Variants in QTMAN observed in about 807,000 individuals in gnomAD.
QTMAN encodes queuosine-tRNA mannosyltransferase.
At chr2:144,108,429 G>A in the QTMAN span, among the ~76,000 whole-genome samples, 1 of 152,130 alleles carries the variant, frequency 6.6e-6, no homozygotes, top group South Asian at 2.1e-4. Flanking sequence ...CCCGAGGTCA[G>A]GAAATGGAGA....
chr2:144,271,784 G>A, the QTMAN span, among the ~76,000 whole-genome samples: 2 of 152,120 alleles, frequency 1.3e-5, no homozygotes, highest in Non-Finnish European at 2.9e-5. Flanking sequence ...AGCAAGTCAG[G>A]TAATATCTAT....
chr2:144,270,745 C>G, the QTMAN span, among the ~76,000 whole-genome samples: 1 of 152,086 alleles, frequency 6.6e-6, no homozygotes. Context: ...TATAGGGCAA[C>G]AAACCACCAT....
At chr2:144,123,094 T>A in the QTMAN span, among the ~76,000 whole-genome samples, 1 of 152,298 alleles carries the variant, frequency 6.6e-6, no homozygotes, top group East Asian at 1.9e-4. Context: ...AATTACTTTT[T>A]AAAAATTGTT....
the QTMAN span, among the ~76,000 whole-genome samples, chr2:144,112,433 T>A: frequency 6.6e-6 from 1 of 152,236 alleles, no homozygotes; most frequent in Admixed American, 6.5e-5. Context: ...TTCTGACTGA[T>A]ACAGCCCAGG....
chr2:143,998,923 C>T, the QTMAN span, among the ~76,000 whole-genome samples: 2 of 151,986 alleles, frequency 1.3e-5, no homozygotes, highest in Non-Finnish European at 2.9e-5. Flanking sequence ...ATCTGTCATT[C>T]GATAAACTGA....
chr2:143,946,649 C>T, the QTMAN span: 2 of 162,520 alleles, frequency 1.2e-5, no homozygotes, highest in Admixed American at 6.4e-5. Flanking sequence ...ATCGTGTCGG[C>T]GAAAAGAAAG....
the QTMAN span, among the ~76,000 whole-genome samples, chr2:143,988,658 T>G: frequency 6.6e-6 from 1 of 152,224 alleles, no homozygotes; most frequent in South Asian, 2.1e-4. Context: ...GTGAGCAACT[T>G]GCCTACACTG....
At chr2:144,193,966 C>T in the QTMAN span, among the ~76,000 whole-genome samples, 1 of 152,150 alleles carries the variant, frequency 6.6e-6, no homozygotes, top group Non-Finnish European at 1.5e-5. Flanking sequence ...GCCTATCAAA[C>T]CACCTATATC....
At chr2:144,066,715 C>T in the QTMAN span, among the ~76,000 whole-genome samples, 1 of 152,216 alleles carries the variant, frequency 6.6e-6, no homozygotes, top group South Asian at 2.1e-4. Flanking sequence ...ACTTGGGAGG[C>T]TGAGGCAGGA....
the QTMAN span, among the ~76,000 whole-genome samples, chr2:144,008,987 T>G: frequency 1.3e-4 from 20 of 151,950 alleles, no homozygotes; most frequent in Admixed American, 3.3e-4. Context: ...AAGGCAAGGT[T>G]GGACTTTTAA....
the QTMAN span, among the ~76,000 whole-genome samples, chr2:144,221,392 T>C: frequency 6.6e-6 from 1 of 152,174 alleles, no homozygotes; most frequent in Non-Finnish European, 1.5e-5. Flanking sequence ...TCAAAAAATA[T>C]AATGAATATA....
At chr2:144,177,212 C>G in the QTMAN span, 1 of 696,194 alleles carries the variant, frequency 1.4e-6, no homozygotes, top group African/African-American at 1.8e-5. Context: ...CATGAAGAGT[C>G]AACATGTGAA....
At chr2:143,979,689 A>G in the QTMAN span, among the ~76,000 whole-genome samples, 24 of 152,254 alleles carry the variant, frequency 1.6e-4, no homozygotes, top group Admixed American at 1.5e-3. Context: ...CACCAAATAT[A>G]TAACAGAACA....
At chr2:144,301,561 T>C in the QTMAN span, among the ~76,000 whole-genome samples, 1 of 152,206 alleles carries the variant, frequency 6.6e-6, no homozygotes, top group African/African-American at 2.4e-5. Context: ...TGAATTTCCA[T>C]GCTGGTATTT....
the QTMAN span, among the ~76,000 whole-genome samples, chr2:144,057,887 C>T: frequency 6.6e-6 from 1 of 152,080 alleles, no homozygotes; most frequent in African/African-American, 2.4e-5. Context: ...TTATGTTGCA[C>T]AGGCTGGCCT....
the QTMAN span, among the ~76,000 whole-genome samples, chr2:143,962,908 C>T: frequency 6.6e-6 from 1 of 152,112 alleles, no homozygotes; most frequent in African/African-American, 2.4e-5. Context: ...AGATGTTGCC[C>T]CACAAGTGGG....
At chr2:144,273,912 G>C in the QTMAN span, among the ~76,000 whole-genome samples, 1 of 152,126 alleles carries the variant, frequency 6.6e-6, no homozygotes, top group Admixed American at 6.5e-5. Flanking sequence ...AAGGTGGGCG[G>C]ATCACAAGGT....
chr2:143,981,838 T>G, the QTMAN span, among the ~76,000 whole-genome samples: 1 of 151,514 alleles, frequency 6.6e-6, no homozygotes, highest in Non-Finnish European at 1.5e-5. Context: ...CTACATATGT[T>G]GTATTTTTTT....
chr2:144,145,802 C>T, the QTMAN span: 1 of 1,334,694 alleles, frequency 7.5e-7, no homozygotes, highest in East Asian at 2.3e-5. Flanking sequence ...ATGCTTTGCT[C>T]TTCTCTCCTC....
Sources: allele counts gnomAD v4.1 joint callset (sites outside exome capture counted in the v4.1 genomes callset), GRCh38; gene constraint gnomAD v4.1.1; transcripts MANE v1.5; gene names NCBI Gene and HGNC (gene_info 2026-07-23, HGNC 2026-07-21).